EXOC2: variants seen among roughly 807,000 people sequenced by gnomAD.
EXOC2 encodes SEC5-like 1.
Under a neutral mutation model 131.8 loss-of-function variants are expected in EXOC2, and 70 were observed. That is an observed-to-expected ratio of 0.53 (90% confidence interval 0.44 to 0.65). The LOEUF (loss-of-function observed/expected upper bound fraction) is 0.65. EXOC2 is among the 30% of genes least tolerant of loss of function. EXOC2 has a pLI of 0.00. For synonymous variants in EXOC2, 411 were observed against 398.4 expected (o/e 1.03, Z -0.38); for missense variants, 923 against 1,108.6 (o/e 0.83, Z 2.38).
At chr6:502,286 T>C (rs1185029044) in intron 23 of EXOC2, among the ~76,000 whole-genome samples, 1 of 152,092 alleles carries the variant, frequency 6.6e-6, no homozygotes, top group East Asian at 1.9e-4. Flanking sequence ...AGAACAAGTG[T>C]CAGGATTTGG....
intron 4 of EXOC2, among the ~76,000 whole-genome samples, chr6:628,930 G>A (rs1453848892): frequency 6.6e-6 from 1 of 152,176 alleles, no homozygotes; most frequent in African/African-American, 2.4e-5. Flanking sequence ...AACAGTCAAA[G>A]CTCACGTGAA....
intron 2 of EXOC2, among the ~76,000 whole-genome samples, chr6:634,721 A>G (rs2179510): frequency 0.91 from 138,190 of 151,938 alleles, 63,056 homozygotes; most frequent in East Asian, 1. Context: ...AGGTTTCCTC[A>G]GGACTATGGT....
intron 6 of EXOC2, among the ~76,000 whole-genome samples, chr6:617,291 C>T (rs887820986): frequency 3.3e-5 from 5 of 152,236 alleles, no homozygotes; most frequent in African/African-American, 4.8e-5. Flanking sequence ...CAGCTACCTG[C>T]GTGCATACGT....
At chr6:599,333 T>A in intron 7 of EXOC2, 108 bp from the exon 8 acceptor site, 3 of 1,042,898 alleles carry the variant, frequency 2.9e-6, no homozygotes, top group Non-Finnish European at 2.7e-6. Context: ...TAGTTTTACG[T>A]TAAAACTCAG....
At chr6:548,733 G>C (rs1404341508) in intron 22 of EXOC2, among the ~76,000 whole-genome samples, 1 of 152,222 alleles carries the variant, frequency 6.6e-6, no homozygotes, top group African/African-American at 2.4e-5. Context: ...CATACAGAAA[G>C]GGAGAGAGGA....
chr6:644,797 C>T (rs1266821344), intron 1 of EXOC2, among the ~76,000 whole-genome samples: 1 of 152,090 alleles, frequency 6.6e-6, no homozygotes, highest in Non-Finnish European at 1.5e-5. Context: ...ATGTACAAGA[C>T]TTCTACATTA....
At chr6:599,246 G>A (rs1363943799) in intron 7 of EXOC2, 21 bp from the exon 8 acceptor site, 2 of 1,517,556 alleles carry the variant, frequency 1.3e-6, no homozygotes, top group Non-Finnish European at 1.8e-6. Flanking sequence ...AAGAGGAAAG[G>A]AAACTTAGAT....
At chr6:670,033 T>C (rs1408983760) in intron 1 of EXOC2, 1 of 152,218 alleles carries the variant, frequency 6.6e-6, no homozygotes, top group South Asian at 2.1e-4. Flanking sequence ...TTCTGTCCAT[T>C]GTAAGACAGA....
At chr6:657,264 A>G in intron 1 of EXOC2, 1 of 247,426 alleles carries the variant, frequency 4.0e-6, no homozygotes, top group Non-Finnish European at 7.7e-6. Context: ...AACACAATGA[A>G]GACAAAATCA....
In EXOC2 at chr6:599,832, A is replaced by G. The variant is rs76213189; in HGVS notation, c.743-607T>C. ...AAATCAGCTAATCTTATAAAAGTAT[A>G]CATGAGCTGCACATTTCCTAAGTTT... On this transcript the variant is annotated intron_variant, in intron 7 of 27. Coordinates refer to ENST00000230449, the MANE Select transcript of EXOC2 (RefSeq NM_018303.6). 5.9e-4 allele frequency among the ~76,000 whole-genome samples: 89 copies of G among 151,826 alleles called. 2 individuals are homozygous for G. In the East Asian group the frequency reaches 0.016, roughly 27 times the overall value.
At chr6:556,073 T>C in intron 18 of EXOC2, 60 bp from the exon 19 acceptor site, 1 of 1,480,442 alleles carries the variant, frequency 6.8e-7, no homozygotes, top group Non-Finnish European at 9.4e-7. Flanking sequence ...TTTTTGTATA[T>C]GAAGTTAGAT....
chr6:597,270 G>A (rs1246966785), intron 10 of EXOC2, among the ~76,000 whole-genome samples: 7 of 151,718 alleles, frequency 4.6e-5, no homozygotes, highest in East Asian at 1.9e-4. Context: ...TCTGCCTCCC[G>A]GGTTCAAGCG....
chr6:559,491 A>G (rs1008666549), intron 17 of EXOC2, among the ~76,000 whole-genome samples: 2 of 152,156 alleles, frequency 1.3e-5, no homozygotes, highest in African/African-American at 4.8e-5. Context: ...CTGGCTAGAC[A>G]ATGTCTTGGC....
At chr6:549,095 G>A (rs372247041) in intron 22 of EXOC2, 80 bp downstream of exon 22, 5 of 1,176,168 alleles carry the variant, frequency 4.3e-6, no homozygotes, top group Non-Finnish European at 6.3e-6. Flanking sequence ...GGCACTGCTA[G>A]CAGAACACAG....
Position 621,677 on chromosome 6 carries a change from C to G in EXOC2, c.423-2134G>C, listed in dbSNP as rs1164029492. On this transcript the variant is annotated intron_variant, in intron 4 of 27. Coordinates refer to ENST00000230449, the MANE Select transcript of EXOC2 (RefSeq NM_018303.6). The stretch of plus-strand genomic sequence containing the variant: ...AGACTGAGTCGATCGTGCATCTTTT[C>G]TCACTAGCTTCACGAGTTAAAAGAT... Among the ~76,000 whole-genome samples, 5 of 152,124 alleles carry G rather than the reference C, an allele frequency of 3.3e-5. No homozygotes were observed. In the East Asian group the frequency reaches 9.7e-4, roughly 29 times the overall value.
rs1757451412 is a variant in EXOC2 at position 557,032 on chromosome 6, T to C, written c.1852-468A>G. Reference sequence around the variant, plus strand: ...GTACAGGATCTTTATATCAGATAGATTGTAAACAGTCATTTTCTATCTACA... The same window carrying C: ...GTACAGGATCTTTATATCAGATAGACTGTAAACAGTCATTTTCTATCTACA... On this transcript the variant is annotated intron_variant, in intron 17 of 27. Coordinates refer to ENST00000230449, the MANE Select transcript of EXOC2 (RefSeq NM_018303.6). Among the ~76,000 whole-genome samples, 3 of 152,320 alleles carry C rather than the reference T, an allele frequency of 2.0e-5. 1 individual carries two copies. Among genetic ancestry groups the C allele is most frequent in the African/African-American group, 7.2e-5 (3 of 41,562 alleles).
intron 1 of EXOC2, among the ~76,000 whole-genome samples, chr6:655,582 A>C (rs944290823): frequency 7.2e-5 from 11 of 152,250 alleles, no homozygotes; most frequent in African/African-American, 2.7e-4. Flanking sequence ...AATAAATCTA[A>C]AAACCATGTA....
chr6:637,154 TA>T (rs10712993), intron 2 of EXOC2, among the ~76,000 whole-genome samples: 107,409 of 151,910 alleles, frequency 0.71, 38,622 homozygotes, highest in Middle Eastern at 0.86. Flanking sequence ...CTAGAAAAGA[TA>T]AAAAACATAA....
intron 23 of EXOC2, among the ~76,000 whole-genome samples, chr6:502,462 G>A (rs1764277232): frequency 6.6e-6 from 1 of 152,180 alleles, no homozygotes; most frequent in South Asian, 2.1e-4. Context: ...CTCAGTGACA[G>A]CCTGCTGTGA....
Sources: gnomAD v4.1 joint callset for allele counts (sites outside exome capture counted in the v4.1 genomes callset) on GRCh38, gnomAD v4.1.1 for gene constraint, MANE v1.5 for transcripts, NCBI Gene and HGNC (gene_info 2026-07-23, HGNC 2026-07-21) for gene names.